Variants in CNTNAP2 observed in about 807,000 individuals in gnomAD.
CNTNAP2 encodes contactin associated protein 2.
CNTNAP2 carries 98 observed loss-of-function variants against 155.2 expected under a neutral mutation model. The ratio of observed to expected loss-of-function variants is 0.63; its 90% CI spans 0.54 to 0.75. The LOEUF is 0.75. CNTNAP2 is among the 30% of genes least tolerant of loss of function. The pLI is 0.00. For synonymous variants in CNTNAP2, 651 were observed against 631.2 expected (o/e 1.03, Z -0.47); for missense variants, 1,727 against 1,688.1 (o/e 1.02, Z -0.40).
chr7:146,358,428 T>C (rs1323194498), intron 1 of CNTNAP2, among the ~76,000 whole-genome samples: 1 of 152,210 alleles, frequency 6.6e-6, no homozygotes, highest in Non-Finnish European at 1.5e-5. Context: ...TCTAAAAGAT[T>C]TTCCTGGACT....
At chr7:146,819,739 G>GT (rs1183794474) in intron 2 of CNTNAP2, among the ~76,000 whole-genome samples, 4 of 151,940 alleles carry the variant, frequency 2.6e-5, no homozygotes, top group Admixed American at 6.6e-5. Flanking sequence ...TTCTCTAATC[G>GT]TTTTTTTCCG....
intron 3 of CNTNAP2, among the ~76,000 whole-genome samples, chr7:146,899,622 T>C (rs932863370): frequency 2.0e-5 from 3 of 152,196 alleles, no homozygotes; most frequent in Non-Finnish European, 2.9e-5. Flanking sequence ...TAGTCAGTAG[T>C]TGAGTTCTGC....
chr7:147,376,702 C>T (rs1796439679), intron 9 of CNTNAP2, among the ~76,000 whole-genome samples: 1 of 151,838 alleles, frequency 6.6e-6, no homozygotes, highest in Admixed American at 6.6e-5. Flanking sequence ...CTATGAGATA[C>T]AAACCATTAT....
chr7:146,223,203 G>A (rs1013212467), intron 1 of CNTNAP2, among the ~76,000 whole-genome samples: 6 of 152,184 alleles, frequency 3.9e-5, no homozygotes, highest in African/African-American at 1.4e-4. Context: ...AAGCAGCAGA[G>A]GCAAGAGTTG....
At chr7:147,046,587 T>C (rs77052607) in intron 4 of CNTNAP2, among the ~76,000 whole-genome samples, 11,671 of 152,124 alleles carry the variant, frequency 0.077, 521 homozygotes, top group Middle Eastern at 0.15. Context: ...GGGTATAGAC[T>C]TGGGGGGGTA....
At chr7:147,122,281 C>G (rs1227940411) in intron 6 of CNTNAP2, 2 of 152,138 alleles carry the variant, frequency 1.3e-5, no homozygotes, top group Non-Finnish European at 2.9e-5. Context: ...ATAAAAGGGA[C>G]ACAATGCTAT....
At chr7:147,135,664 A>C (rs1389358173) in intron 8 of CNTNAP2, among the ~76,000 whole-genome samples, 2 of 151,770 alleles carry the variant, frequency 1.3e-5, no homozygotes, top group African/African-American at 4.8e-5. Context: ...TACAGTAAGA[A>C]AATATTTTAT....
At chr7:147,872,057 A>G (rs544326051) in intron 13 of CNTNAP2, among the ~76,000 whole-genome samples, 1 of 152,116 alleles carries the variant, frequency 6.6e-6, no homozygotes, top group East Asian at 1.9e-4. Flanking sequence ...AAGAGAATCT[A>G]CTCCTCCTTG....
chr7:147,416,718 T>C (rs1797199490), intron 10 of CNTNAP2, among the ~76,000 whole-genome samples: 2 of 152,214 alleles, frequency 1.3e-5, no homozygotes, highest in African/African-American at 4.8e-5. Flanking sequence ...ATGGGAGGGC[T>C]GCTGTTCTTC....
At chr7:147,476,892 C>T (rs1027525498) in intron 10 of CNTNAP2, among the ~76,000 whole-genome samples, 1 of 148,538 alleles carries the variant, frequency 6.7e-6, no homozygotes, top group Non-Finnish European at 1.5e-5. Context: ...CATCCCACTG[C>T]TCTCCGGCCT....
intron 1 of CNTNAP2, among the ~76,000 whole-genome samples, chr7:146,368,277 TTA>T (rs1246853518): frequency 6.6e-6 from 1 of 152,164 alleles, no homozygotes; most frequent in Non-Finnish European, 1.5e-5. Flanking sequence ...GCTTGAAGTA[TTA>T]TATATATTTT....
chr7:147,199,113 C>T (rs772465054), intron 8 of CNTNAP2, among the ~76,000 whole-genome samples: 3 of 151,946 alleles, frequency 2.0e-5, no homozygotes, highest in African/African-American at 7.2e-5. Context: ...AGGCGCACAC[C>T]GTCATGGCTG....
At position 146,253,578 on chromosome 7, in the gene CNTNAP2, C is replaced by G. The variant is rs112613723; in HGVS notation, c.97+136605C>G. ...TATGTTCTAACAAGTAATCAAGTGA[C>G]TTGAATGGAAATCTCAATAGCCAAA... On this transcript the variant is annotated intron_variant, in intron 1 of 23. Coordinates refer to ENST00000361727, the MANE Select transcript of CNTNAP2 (RefSeq NM_014141.6). Among the ~76,000 whole-genome samples, 289 of 152,252 alleles carry G rather than the reference C, an allele frequency of 1.9e-3. 1 individual carries two copies. The highest frequency in any genetic ancestry group is 6.5e-3 in the African/African-American group (272 of 41,548).
chr7:148,327,405 A>G (rs886722838), intron 21 of CNTNAP2, among the ~76,000 whole-genome samples: 1 of 152,202 alleles, frequency 6.6e-6, no homozygotes, highest in Admixed American at 6.5e-5. Context: ...TCCTCTTGGC[A>G]TGCTCCCTTT....
At chr7:146,206,032 T>C (rs1798941380) in intron 1 of CNTNAP2, among the ~76,000 whole-genome samples, 1 of 151,928 alleles carries the variant, frequency 6.6e-6, no homozygotes, top group South Asian at 2.1e-4. Flanking sequence ...TTAGGCAGAA[T>C]TCTGTTTTGT....
At chr7:146,622,247 C>CTATCTATG (rs1242761120) in intron 1 of CNTNAP2, among the ~76,000 whole-genome samples, 1 of 40,522 alleles carries the variant, frequency 2.5e-5, no homozygotes, top group Non-Finnish European at 6.3e-5. Context: ...GTGTGTATAT[C>CTATCTATG]TATCTATCTA....
At chr7:146,538,859 T>C (rs2129140683) in intron 1 of CNTNAP2, among the ~76,000 whole-genome samples, 1 of 152,198 alleles carries the variant, frequency 6.6e-6, no homozygotes, top group East Asian at 1.9e-4. Flanking sequence ...AAAAATTTAT[T>C]ATAAAATGTA....
At chr7:146,438,510 G>A (rs1796275432) in intron 1 of CNTNAP2, among the ~76,000 whole-genome samples, 1 of 151,266 alleles carries the variant, frequency 6.6e-6, no homozygotes, top group African/African-American at 2.5e-5. Flanking sequence ...TATTTATAAT[G>A]AGCTGAAAAC....
chr7:146,754,993 C>A (rs897889127), intron 1 of CNTNAP2, among the ~76,000 whole-genome samples: 2 of 151,812 alleles, frequency 1.3e-5, no homozygotes, highest in South Asian at 2.1e-4. Flanking sequence ...ACATTTTTGC[C>A]TCCATTGTAT....
Sources: gnomAD v4.1 joint callset for allele counts (sites outside exome capture counted in the v4.1 genomes callset) on GRCh38, gnomAD v4.1.1 for gene constraint, MANE v1.5 for transcripts, NCBI Gene and HGNC (gene_info 2026-07-23, HGNC 2026-07-21) for gene names.